MDGA2: variants seen among roughly 807,000 people sequenced by gnomAD.
MDGA2 encodes MAM domain-containing glycosylphosphatidylinositol anchor protein 2.
A neutral mutation model predicts 117.8 loss-of-function variants in MDGA2; 40 were observed. The ratio of observed to expected loss-of-function variants is 0.34; its 90% confidence interval spans 0.26 to 0.44. MDGA2 has a LOEUF of 0.44. Among genes scored for constraint, MDGA2 ranks in the 20% least tolerant of loss-of-function variants. The pLI, the probability that MDGA2 is intolerant of heterozygous loss-of-function variation, is 1.00. For missense variants in MDGA2, 1,123 were observed against 1,250.6 expected, an observed-to-expected ratio of 0.90 and a Z score of 1.54; for synonymous variants, 452 against 439.0, an observed-to-expected ratio of 1.03 and a Z score of -0.37.
chr14:47,277,946 G>A (rs1308811180), intron 2 of MDGA2, among the ~76,000 whole-genome samples: 4 of 152,028 alleles, frequency 2.6e-5, no homozygotes, highest in Non-Finnish European at 5.9e-5. Flanking sequence ...CAGAGATGAA[G>A]AGGAAGCAAA....
chr14:47,199,896 A>G (rs1248417861), intron 3 of MDGA2, among the ~76,000 whole-genome samples: 1 of 152,168 alleles, frequency 6.6e-6, no homozygotes, highest in Non-Finnish European at 1.5e-5. Context: ...AATAGTAAAA[A>G]GCATCCTTAA....
rs1027579740 is a variant in MDGA2, at chr14:46,855,254, C to T, written c.2753-100G>A. 4.3e-6 allele frequency: 4 copies of T among 938,922 alleles called. No individual in the cohort carries two copies. The African/African-American group carries it at 5.0e-5, about 12-fold the overall frequency. The allele number at this position is 938,922 out of a possible 1,614,324, so 58.2% of individuals were successfully genotyped here. On this transcript the variant is annotated intron_variant, in intron 14 of 16. Coordinates refer to ENST00000399232, the MANE Select transcript of MDGA2 (RefSeq NM_001113498.3). This position sits in a 1 kb window ranked among gnomAD's most constrained non-coding sequence, Gnocchi z 4.1. ...GTAAACTTTTTAAACTGAAATTTTA[C>T]AGAACACTCTAGTGTCTTGTCCTCT... is the stretch of plus-strand genomic sequence containing the variant.
intron 3 of MDGA2, among the ~76,000 whole-genome samples, chr14:47,160,000 T>G (rs1883565059): frequency 6.6e-6 from 1 of 152,200 alleles, no homozygotes; most frequent in Non-Finnish European, 1.5e-5. Context: ...TCCCCTAGAT[T>G]GCAGATGAAG....
At chr14:47,521,009 T>C (rs1894856998) in intron 1 of MDGA2, among the ~76,000 whole-genome samples, 1 of 152,220 alleles carries the variant, frequency 6.6e-6, no homozygotes, top group South Asian at 2.1e-4. Context: ...TGATATTTTG[T>C]CATTGATTTA....
At chr14:46,843,611 T>C (rs1039407853) in intron 16 of MDGA2, among the ~76,000 whole-genome samples, 1 of 152,126 alleles carries the variant, frequency 6.6e-6, no homozygotes, top group South Asian at 2.1e-4. Context: ...TATATTTTCA[T>C]TTTATATAAC....
chr14:46,999,939 T>C lies in MDGA2; in HGVS notation c.1819+35072A>G, dbSNP rs189891299. ...AAGAATGATACATGCTCATTAGATGTAACACATAGTATTTAATTATGGTGA... is the reference window on the plus strand; with the variant it reads ...AAGAATGATACATGCTCATTAGATGCAACACATAGTATTTAATTATGGTGA... On this transcript the variant is annotated intron_variant, in intron 8 of 16. Transcript: ENST00000399232. 2.6e-5 allele frequency among the ~76,000 whole-genome samples: 4 copies of C among 152,130 alleles called. No individual in the cohort carries two copies. The East Asian group carries it at 7.8e-4, about 29-fold the overall frequency.
intron 1 of MDGA2, among the ~76,000 whole-genome samples, chr14:47,437,138 A>C (rs1379054306): frequency 6.6e-6 from 1 of 152,092 alleles, no homozygotes. Flanking sequence ...CTCTGTGAGA[A>C]ATAAGGTCAG....
chr14:47,507,999 A>C (rs1174166125), intron 1 of MDGA2, among the ~76,000 whole-genome samples: 1 of 152,100 alleles, frequency 6.6e-6, no homozygotes, highest in Non-Finnish European at 1.5e-5. Context: ...TCTAAATATC[A>C]CTGGGTACTT....
chr14:47,279,544 C>T (rs1888407729), intron 2 of MDGA2, among the ~76,000 whole-genome samples: 1 of 151,948 alleles, frequency 6.6e-6, no homozygotes, highest in Admixed American at 6.6e-5. Context: ...AGGATTTTCC[C>T]TAGACATATT....
intron 1 of MDGA2, among the ~76,000 whole-genome samples, chr14:47,499,743 G>A (rs945624278): frequency 6.6e-6 from 1 of 152,116 alleles, no homozygotes; most frequent in East Asian, 1.9e-4. Flanking sequence ...ACTAAATCAC[G>A]ACATCCAGGC....
chr14:47,381,814 C>A (rs1300074865), intron 1 of MDGA2, among the ~76,000 whole-genome samples: 1 of 152,128 alleles, frequency 6.6e-6, no homozygotes, highest in Non-Finnish European at 1.5e-5. Context: ...TCAATGCCAT[C>A]CCCGTCAAGC....
intron 1 of MDGA2, among the ~76,000 whole-genome samples, chr14:47,666,270 T>A (rs185526767): frequency 1.3e-5 from 2 of 152,156 alleles, no homozygotes; most frequent in Admixed American, 6.5e-5. Context: ...GCTCAAGGTT[T>A]GTAAATGCAC....
At chr14:47,187,119 A>G (rs756034515) in intron 3 of MDGA2, among the ~76,000 whole-genome samples, 12 of 151,940 alleles carry the variant, frequency 7.9e-5, no homozygotes, top group Non-Finnish European at 1.6e-4. Context: ...AGGTGGGGAA[A>G]TGGGGGCACA....
chr14:47,322,718 GTAA>G (rs1435772931), intron 1 of MDGA2, among the ~76,000 whole-genome samples: 1 of 152,146 alleles, frequency 6.6e-6, no homozygotes, highest in African/African-American at 2.4e-5. Context: ...TTCAGACAGT[GTAA>G]TAATTCTAGC....
Position 47,500,505 on chromosome 14 carries a change from A to C in MDGA2, c.280+174012T>G, listed in dbSNP as rs180863345. 5.3e-5 allele frequency among the ~76,000 whole-genome samples: 8 copies of C among 152,212 alleles called. No homozygotes were observed. In the East Asian group the frequency reaches 1.4e-3, roughly 26 times the overall value. On this transcript the variant is annotated intron_variant, in intron 1 of 16. Transcript: ENST00000399232. Reference sequence around the variant, plus strand: ...AGCACCAAGTTTGTGGTATCCAAATACTAATTCTCACTTGAACCAGTGCTT... The same window carrying C: ...AGCACCAAGTTTGTGGTATCCAAATCCTAATTCTCACTTGAACCAGTGCTT...
chr14:47,265,519 T>C (rs1251873809), intron 2 of MDGA2, among the ~76,000 whole-genome samples: 5 of 152,100 alleles, frequency 3.3e-5, no homozygotes, highest in Non-Finnish European at 5.9e-5. Context: ...CTATTCATGA[T>C]AGTTTGAGTA....
At chr14:47,540,563 T>TATATATATATATATATATATATATACAC (rs370481455) in intron 1 of MDGA2, among the ~76,000 whole-genome samples, 47 of 112,442 alleles carry the variant, frequency 4.2e-4, no homozygotes, top group Admixed American at 9.6e-4. Context: ...TGTATATATA[T>TATATATATATATATATATATATATACAC]ACACACACAC....
chr14:46,873,248 C>T (rs1882087515), intron 14 of MDGA2, 185 bp downstream of exon 14: 1 of 499,136 alleles, frequency 2.0e-6, no homozygotes, highest in Admixed American at 3.9e-5. Flanking sequence ...TGTCAAATTC[C>T]AAATCTAAAT....
chr14:47,654,425 A>C (rs989080420), intron 1 of MDGA2, among the ~76,000 whole-genome samples: 3 of 151,896 alleles, frequency 2.0e-5, no homozygotes, highest in Non-Finnish European at 2.9e-5. Flanking sequence ...ATTTTCCACC[A>C]CCTCCTCTGC....
Sources: allele counts gnomAD v4.1 joint callset (sites outside exome capture counted in the v4.1 genomes callset), GRCh38; gene constraint gnomAD v4.1.1; non-coding constraint Gnocchi (gnomAD v3.1); transcripts MANE v1.5; gene names NCBI Gene and HGNC (gene_info 2026-07-23, HGNC 2026-07-21).